Variants in RACGAP1 observed in about 807,000 individuals in gnomAD.
RACGAP1 encodes rac GTPase-activating protein 1.
In RACGAP1, 30 loss-of-function variants were observed where a neutral mutation model predicts 78.1. The ratio of observed to expected loss-of-function variants is 0.38; its 90% confidence interval spans 0.29 to 0.52. The LOEUF (loss-of-function observed/expected upper bound fraction) is 0.52. RACGAP1 is among the 20% of genes least tolerant of loss of function. RACGAP1 has a pLI of 0.82. For synonymous variants in RACGAP1, 231 were observed against 264.8 expected, an observed-to-expected ratio of 0.87 and a Z score of 1.24; for missense variants, 587 against 777.1, an observed-to-expected ratio of 0.76 and a Z score of 2.91.
intron 2 of RACGAP1, among the ~76,000 whole-genome samples, chr12:50,014,303 T>C (rs541805559): frequency 4.6e-5 from 7 of 152,338 alleles, no homozygotes; most frequent in African/African-American, 1.4e-4. Context: ...TTGGATCACA[T>C]GTCAGTACCA....
At position 50,005,249 on chromosome 12, in the gene RACGAP1, C is replaced by T. The variant is rs1948902738; in HGVS notation, c.425+7G>A. The T allele has an allele frequency of 6.2e-7, 1 of 1,613,894 alleles. No homozygotes were observed. Among genetic ancestry groups the T allele is most frequent in the Non-Finnish European group, 8.5e-7 (1 of 1,179,974 alleles). On this transcript the variant is annotated splice_region_variant and intron_variant, in intron 4 of 16. Coordinates refer to ENST00000312377, the MANE Select transcript of RACGAP1 (RefSeq NM_001319999.2). ...TGATAGGATAACAACAGATGCAGTTCCTCCACCTTTTGTTCCCAGCATTGC... is the reference window on the plus strand; with the variant it reads ...TGATAGGATAACAACAGATGCAGTTTCTCCACCTTTTGTTCCCAGCATTGC...
intron 3 of RACGAP1, among the ~76,000 whole-genome samples, chr12:50,006,218 T>C (rs796305698): frequency 2.0e-5 from 3 of 152,318 alleles, no homozygotes; most frequent in African/African-American, 7.2e-5. Flanking sequence ...AAGTTTCAAG[T>C]CTAAGTGACA....
chr12:49,994,886 T>C (rs1362656957), intron 10 of RACGAP1, among the ~76,000 whole-genome samples: 3 of 152,190 alleles, frequency 2.0e-5, no homozygotes, highest in African/African-American at 4.8e-5. Flanking sequence ...TAAACAGATT[T>C]TTTTTTCTAA....
chr12:49,994,163 A>G lies in RACGAP1; in HGVS notation c.1307T>C (p.Phe436Ser). 2 of 1,613,366 alleles carry G rather than the reference A, an allele frequency of 1.2e-6. No homozygotes were observed. Among genetic ancestry groups the G allele is most frequent in the Non-Finnish European group, 1.7e-6 (2 of 1,179,960 alleles). The stretch of plus-strand genomic sequence containing the variant: ...TTCCATAAAGGCTCTGTTAAGGCGA[A>G]AGGTCAGAAGAGGTTCTTTGAGGTT... Reference protein sequence around the residue: ...LRNLKEPLLTFRLNRAFMEAA... With the variant: ...LRNLKEPLLTSRLNRAFMEAA... Residue 436 changes from phenylalanine to serine, a missense_variant, in exon 12 of 17, where the codon TTT becomes TCT. Coordinates refer to ENST00000312377, the MANE Select transcript of RACGAP1 (RefSeq NM_001319999.2).
chr12:49,999,858 CTTTT>C, intron 7 of RACGAP1, 125 bp from the exon 8 acceptor site: 1 of 692,284 alleles, frequency 1.4e-6, no homozygotes, highest in Non-Finnish European at 2.5e-6. Context: ...CAGTCTGATA[CTTTT>C]TTTTTGAGAC....
At chr12:50,006,370 ACTGT>A in intron 3 of RACGAP1, 60 bp downstream of exon 3, 1 of 1,565,834 alleles carries the variant, frequency 6.4e-7, no homozygotes, top group African/African-American at 1.4e-5. Context: ...GCAAGTGGAA[ACTGT>A]CAGACAATGC....
intron 9 of RACGAP1, among the ~76,000 whole-genome samples, chr12:49,998,353 G>A (rs754255774): frequency 5.2e-4 from 79 of 151,492 alleles, no homozygotes; most frequent in Non-Finnish European, 3.5e-4. Flanking sequence ...GCAGTGAGCC[G>A]AAATCGCACC....
intron 15 of RACGAP1, 57 bp from the exon 16 acceptor site, chr12:49,990,849 G>C (rs930768755): frequency 2.9e-6 from 4 of 1,372,694 alleles, no homozygotes; most frequent in Middle Eastern, 1.8e-4. Flanking sequence ...CATCTTTTTA[G>C]ATGGCTAGTT....
At chr12:50,002,218 T>TA (rs749874326) in intron 6 of RACGAP1, 29 bp downstream of exon 6, 18 of 1,601,720 alleles carry the variant, frequency 1.1e-5, no homozygotes, top group Admixed American at 6.9e-5. Flanking sequence ...TACTTTGTTT[T>TA]AAAAAAAGAC....
chr12:50,019,957 G>T (rs1221472127), intron 1 of RACGAP1, among the ~76,000 whole-genome samples: 3 of 152,092 alleles, frequency 2.0e-5, no homozygotes, highest in African/African-American at 4.8e-5. Context: ...TTTGGTTTTG[G>T]TCTGATAGTT....
chr12:49,994,933 T>C (rs764232100), intron 10 of RACGAP1, among the ~76,000 whole-genome samples: 2 of 152,244 alleles, frequency 1.3e-5, no homozygotes, highest in Non-Finnish European at 2.9e-5. Context: ...AAATTGTGTA[T>C]ACTTTCATTA....
chr12:50,032,742 A>G (rs1034508673), intron 1 of RACGAP1, among the ~76,000 whole-genome samples: 2 of 152,178 alleles, frequency 1.3e-5, no homozygotes, highest in African/African-American at 4.8e-5. Context: ...GGAGAGGTGC[A>G]GTATCCGGTT....
intron 7 of RACGAP1, among the ~76,000 whole-genome samples, chr12:50,000,635 C>T (rs1967110): frequency 0.95 from 143,948 of 152,230 alleles, 68,498 homozygotes; most frequent in South Asian, 1. Flanking sequence ...AATCTCGTAC[C>T]TAAGAAGATA....
intron 2 of RACGAP1, among the ~76,000 whole-genome samples, chr12:50,030,703 A>G (rs1226308808): frequency 6.6e-6 from 1 of 152,070 alleles, no homozygotes; most frequent in East Asian, 1.9e-4. Context: ...ACAAAACAAA[A>G]CAAAAACCAT....
chr12:50,029,272 G>T (rs1160742292), upstream of RACGAP1, among the ~76,000 whole-genome samples: 1 of 149,638 alleles, frequency 6.7e-6, no homozygotes, highest in Non-Finnish European at 1.5e-5. Context: ...TATAGTCCCA[G>T]CTACTCAGGA....
chr12:49,990,508 T>C (rs1475539642), intron 16 of RACGAP1, among the ~76,000 whole-genome samples, 165 bp from the exon 17 acceptor site: 2 of 152,172 alleles, frequency 1.3e-5, no homozygotes, highest in Non-Finnish European at 1.5e-5. Context: ...AGAGGGGAAA[T>C]AGTAAAGACT....
Position 50,005,381 on chromosome 12 carries a change from A to T in RACGAP1, c.300T>A (p.Ile100=). Residue 100 remains isoleucine, a synonymous_variant, in exon 4 of 17, where the codon ATT becomes ATA. Transcript: ENST00000312377. ...ACATGAGCATCTCTCGAATCAGCTGAATCTGTCGTTCCTACAGACCAAAGC... is the reference window on the plus strand; with the variant it reads ...ACATGAGCATCTCTCGAATCAGCTGTATCTGTCGTTCCTACAGACCAAAGC... ...EADCEKLERQ[I]QLIREMLMCD... is the part of the protein sequence containing the mutation. The T allele has an allele frequency of 6.2e-7, 1 of 1,614,150 alleles. No individual in the cohort carries two copies. Among genetic ancestry groups the T allele is most frequent in the Non-Finnish European group, 8.5e-7 (1 of 1,180,008 alleles).
In RACGAP1 at chr12:49,997,098, T is replaced by C; in HGVS notation, c.986A>G (p.Asp329Gly). The C allele has an allele frequency of 1.2e-6, 2 of 1,608,148 alleles. No homozygotes were observed. The highest frequency in any genetic ancestry group is 1.3e-5 in the African/African-American group (1 of 74,870). ...AGGAATGCAGGGAAGGGGACAGCGGTCCCGACATTCTGGATGAGAGACCAC... is the reference window on the plus strand; with the variant it reads ...AGGAATGCAGGGAAGGGGACAGCGGCCCCGACATTCTGGATGAGAGACCAC... ...CRVVSHPECR[D>G]RCPLPCIPTL... Residue 329 changes from aspartate (D) to glycine (G), a missense_variant, in exon 10 of 17, where the codon GAC becomes GGC. By Grantham distance (94) the Asp-to-Gly change is moderately conservative. Transcript: ENST00000312377.
chr12:50,016,401 G>T (rs769475020), intron 2 of RACGAP1, among the ~76,000 whole-genome samples: 32 of 152,006 alleles, frequency 2.1e-4, no homozygotes, highest in Non-Finnish European at 4.6e-4. Context: ...AATAAATAAA[G>T]ATAATAAAAA....
Sources: gnomAD v4.1 joint callset for allele counts (sites outside exome capture counted in the v4.1 genomes callset) on GRCh38, gnomAD v4.1.1 for gene constraint, MANE v1.5 for transcripts, NCBI Gene and HGNC (gene_info 2026-07-23, HGNC 2026-07-21) for gene names.